RBFOX1: variants seen among roughly 807,000 people sequenced by gnomAD.
RBFOX1 encodes RNA binding fox-1 homolog 1.
In RBFOX1, 8 loss-of-function variants were observed where a neutral mutation model predicts 57.7. That is an observed-to-expected ratio of 0.14 (90% CI 0.08 to 0.25). The LOEUF (loss-of-function observed/expected upper bound fraction) is 0.25. Among genes scored for constraint, RBFOX1 ranks in the 10% least tolerant of loss-of-function variants. The probability of loss-of-function intolerance (pLI) is 1.00; values close to 1 mark genes in which losing one functional copy is unlikely to be tolerated. For synonymous variants in RBFOX1, 326 were observed against 222.4 expected, an observed-to-expected ratio of 1.47 and a Z score of -4.15; for missense variants, 611 against 548.5, an observed-to-expected ratio of 1.11 and a Z score of -1.14.
At chr16:5,716,879 T>A (rs1252803770) in intron 3 of RBFOX1, among the ~76,000 whole-genome samples, 2 of 152,178 alleles carry the variant, frequency 1.3e-5, no homozygotes, top group Non-Finnish European at 2.9e-5. Flanking sequence ...GCCCCTAAAA[T>A]GTCCAAGCCT....
chr16:7,080,352 C>G (rs1001123237), intron 4 of RBFOX1, among the ~76,000 whole-genome samples: 1 of 152,062 alleles, frequency 6.6e-6, no homozygotes, highest in Admixed American at 6.6e-5. Flanking sequence ...CATTCTGTAC[C>G]TTCTTCGGCT....
chr16:5,746,225 G>A (rs2052975434), intron 3 of RBFOX1, among the ~76,000 whole-genome samples: 1 of 152,100 alleles, frequency 6.6e-6, no homozygotes, highest in Non-Finnish European at 1.5e-5. Context: ...TTTTTGTCAG[G>A]TTTGTCAAAG....
At chr16:6,128,589 G>C (rs1303444865) in intron 1 of RBFOX1, among the ~76,000 whole-genome samples, 1 of 152,210 alleles carries the variant, frequency 6.6e-6, no homozygotes, top group Non-Finnish European at 1.5e-5. Context: ...GATTTGAAGA[G>C]TAGAGTTCTG....
chr16:5,374,173 G>C (rs1161695256), intron 1 of RBFOX1, among the ~76,000 whole-genome samples: 1 of 152,212 alleles, frequency 6.6e-6, no homozygotes, highest in Non-Finnish European at 1.5e-5. Flanking sequence ...CCTGAGCTCA[G>C]CTGTTCCACC....
chr16:6,118,813 C>G (rs1256639991), intron 1 of RBFOX1, among the ~76,000 whole-genome samples: 9 of 151,090 alleles, frequency 6.0e-5, no homozygotes. Context: ...TTCCTTCCTT[C>G]CTTCCCTCCT....
At chr16:6,204,922 C>G (rs2097244033) in intron 1 of RBFOX1, among the ~76,000 whole-genome samples, 1 of 152,048 alleles carries the variant, frequency 6.6e-6, no homozygotes, top group South Asian at 2.1e-4. Context: ...AAGTTTTGAC[C>G]CCATAGATTG....
chr16:5,887,151 G>A (rs1430824442), intron 4 of RBFOX1, among the ~76,000 whole-genome samples: 1 of 152,122 alleles, frequency 6.6e-6, no homozygotes, highest in Non-Finnish European at 1.5e-5. Flanking sequence ...GGAGTAACTT[G>A]CTTTAGAGTC....
intron 3 of RBFOX1, among the ~76,000 whole-genome samples, chr16:6,834,551 A>G (rs550606678): frequency 6.6e-6 from 1 of 152,136 alleles, no homozygotes; most frequent in Non-Finnish European, 1.5e-5. Context: ...TTAACAGGAG[A>G]TATCAGTAAG....
chr16:5,243,295 A>G (rs2062214992), intron 1 of RBFOX1, among the ~76,000 whole-genome samples: 1 of 152,208 alleles, frequency 6.6e-6, no homozygotes, highest in Admixed American at 6.5e-5. Context: ...TTCAAGGGTA[A>G]TAACTCACTG....
intron 3 of RBFOX1, among the ~76,000 whole-genome samples, chr16:6,775,508 A>C (rs2079174413): frequency 6.6e-6 from 1 of 152,170 alleles, no homozygotes; most frequent in Admixed American, 6.5e-5. Context: ...CAAATAAATC[A>C]GATGCAACCA....
At chr16:5,266,025 C>G (rs1433836081) in intron 1 of RBFOX1, among the ~76,000 whole-genome samples, 3 of 149,022 alleles carry the variant, frequency 2.0e-5, no homozygotes, top group African/African-American at 7.5e-5. Context: ...AATCCTAGCT[C>G]TAAAGGCACC....
At chr16:6,915,080 G>C (rs977360572) in intron 3 of RBFOX1, among the ~76,000 whole-genome samples, 1 of 152,210 alleles carries the variant, frequency 6.6e-6, no homozygotes, top group African/African-American at 2.4e-5. Flanking sequence ...TGACTAATGT[G>C]TGAACTGCAC....
chr16:5,247,135 A>C (rs1282968566), intron 1 of RBFOX1, among the ~76,000 whole-genome samples: 1 of 152,180 alleles, frequency 6.6e-6, no homozygotes, highest in East Asian at 1.9e-4. Flanking sequence ...CATTGTGTAC[A>C]TACACCACAT....
At chr16:5,590,984 C>G (rs2046987397) in intron 2 of RBFOX1, among the ~76,000 whole-genome samples, 1 of 151,934 alleles carries the variant, frequency 6.6e-6, no homozygotes, top group African/African-American at 2.4e-5. Context: ...AAAGCGACCC[C>G]AAATTCATTT....
chr16:5,633,369 T>C (rs746255766), intron 3 of RBFOX1, among the ~76,000 whole-genome samples: 2 of 152,158 alleles, frequency 1.3e-5, no homozygotes, highest in Non-Finnish European at 2.9e-5. Context: ...TTTCAATAGT[T>C]TTAGGGTTAC....
intron 14 of RBFOX1, among the ~76,000 whole-genome samples, chr16:7,689,686 G>T: frequency 6.6e-6 from 1 of 151,940 alleles, no homozygotes. Flanking sequence ...GACAGGAATG[G>T]GAAAATACAG....
rs1367994350 is a variant in RBFOX1, at chr16:6,350,479, A to C, written c.-64+33422A>C. On this transcript the variant is annotated intron_variant, in intron 2 of 15. Transcript: ENST00000550418. ...AAAAAAAAAAAAAAAAAAAAAAAAA[A>C]AAAAAAAAAAAAAAAAAAAACAGTG... Among the ~76,000 whole-genome samples the C allele has an allele frequency of 2.2e-4, 17 of 78,356 alleles. 1 individual carries two copies. Among genetic ancestry groups the C allele is most frequent in the African/African-American group, 3.3e-4 (7 of 21,514 alleles). The allele number at this position is 78,356 out of a possible 152,430, so 51.4% of individuals were successfully genotyped here. A position where few individuals can be genotyped will look rare whatever the true frequency, so the allele number is the denominator to read the frequency against.
intron 4 of RBFOX1, among the ~76,000 whole-genome samples, chr16:7,300,040 C>T (rs771004527): frequency 5.9e-5 from 9 of 152,142 alleles, no homozygotes; most frequent in Non-Finnish European, 1.2e-4. Flanking sequence ...TTTCTTGAAG[C>T]TGAAACTGCA....
chr16:5,463,921 T>A (rs1166362604), intron 1 of RBFOX1, among the ~76,000 whole-genome samples: 2 of 152,212 alleles, frequency 1.3e-5, no homozygotes, highest in Non-Finnish European at 2.9e-5. Flanking sequence ...AGCCAAATTG[T>A]GTTCAGCAGA....
Sources: allele counts gnomAD v4.1 joint callset (sites outside exome capture counted in the v4.1 genomes callset), GRCh38; gene constraint gnomAD v4.1.1; transcripts MANE v1.5; gene names NCBI Gene and HGNC (gene_info 2026-07-23, HGNC 2026-07-21).